SETD2: variants seen among roughly 807,000 people sequenced by gnomAD.
The protein encoded by SETD2 is SET domain containing 2, histone lysine methyltransferase.
SETD2 carries 31 observed loss-of-function variants against 242.1 expected under a neutral mutation model. The observed-to-expected ratio is 0.13, with a 90% CI of 0.10 to 0.17. The LOEUF (loss-of-function observed/expected upper bound fraction) is 0.17. SETD2 is among the 10% of genes least tolerant of loss of function. The pLI, the probability that SETD2 is intolerant of heterozygous loss-of-function variation, is 1.00. For missense variants in SETD2, 2,481 were observed against 3,046.3 expected (o/e 0.81, Z 4.37); for synonymous variants, 1,006 against 1,066.5 (o/e 0.94, Z 1.11).
chr3:47,104,537 C>T (rs1212778975), intron 6 of SETD2, among the ~76,000 whole-genome samples: 1 of 150,350 alleles, frequency 6.7e-6, no homozygotes, highest in Non-Finnish European at 1.5e-5. Flanking sequence ...AAGACCCTGA[C>T]TCAAAAAAAA....
At chr3:47,098,746 A>G (rs1252059752) in intron 8 of SETD2, among the ~76,000 whole-genome samples, 3 of 152,154 alleles carry the variant, frequency 2.0e-5, no homozygotes, top group Non-Finnish European at 4.4e-5. Flanking sequence ...CAGTGAGCCG[A>G]GATTGCACCA....
At chr3:47,149,289 C>T (rs1404554322) in intron 1 of SETD2, among the ~76,000 whole-genome samples, 2 of 152,070 alleles carry the variant, frequency 1.3e-5, no homozygotes, top group African/African-American at 4.8e-5. Flanking sequence ...ACCTGTATGT[C>T]TTTGGACTTC....
intron 14 of SETD2, 97 bp downstream of exon 14, chr3:47,062,066 A>G (rs2040355799): frequency 2.8e-6 from 3 of 1,084,832 alleles, no homozygotes; most frequent in Non-Finnish European, 4.0e-6. Context: ...TAATTCCAAA[A>G]GCCCTTGATG....
chr3:47,050,141 AATTGAATGTTTCTAGC>A (rs986061202), intron 15 of SETD2, among the ~76,000 whole-genome samples: 3 of 151,566 alleles, frequency 2.0e-5, no homozygotes, highest in Non-Finnish European at 2.9e-5. Flanking sequence ...AGAAGAGAAT[AATTGAATGTTTCTAGC>A]ATAAAGAAAA....
rs1320463023 is a variant in SETD2 at position 47,123,587 on chromosome 3, T to C, written c.1049A>G (p.Asp350Gly). 1 of 1,550,516 alleles carries C rather than the reference T, an allele frequency of 6.4e-7. No homozygotes were observed. Among genetic ancestry groups the C allele is most frequent in the Non-Finnish European group, 8.7e-7 (1 of 1,146,860 alleles). Residue 350 changes from aspartate (D) to glycine (G), a missense_variant, in exon 3 of 21, where the codon GAT becomes GGT. Around this residue, in one of 17 missense-constraint regions of SETD2, gnomAD observed 38 missense variants for 61.0 expected, o/e 0.62. Coordinates refer to ENST00000409792, the MANE Select transcript of SETD2 (RefSeq NM_014159.7). ...KFSASIEKER[D>G]FKKSSAPLKS... ...TAAAGGTGCTGAGCTCTTTTTAAAATCTCTTTCCTTTTCAATGCTTGCTGA... is the reference window on the plus strand; with the variant it reads ...TAAAGGTGCTGAGCTCTTTTTAAAACCTCTTTCCTTTTCAATGCTTGCTGA...
intron 9 of SETD2, among the ~76,000 whole-genome samples, chr3:47,094,356 A>AT (rs2041924577): frequency 3.3e-5 from 5 of 152,250 alleles, no homozygotes; most frequent in Admixed American, 3.3e-4. Flanking sequence ...AGATGCAATC[A>AT]TAAGAACAAG....
At chr3:47,070,045 AAC>A (rs1210932601) in intron 12 of SETD2, among the ~76,000 whole-genome samples, 4 of 152,226 alleles carry the variant, frequency 2.6e-5, no homozygotes, top group African/African-American at 7.2e-5. Context: ...CACTAAGAAT[AAC>A]ACAATTTTGA....
At chr3:47,049,337 A>C (rs1196115562) in intron 15 of SETD2, among the ~76,000 whole-genome samples, 2 of 119,340 alleles carry the variant, frequency 1.7e-5, no homozygotes, top group African/African-American at 7.9e-5. Flanking sequence ...ATATATATAT[A>C]TATATATATA....
intron 1 of SETD2, chr3:47,157,511 T>C (rs1280833927): frequency 1.3e-5 from 6 of 455,968 alleles, no homozygotes; most frequent in Non-Finnish European, 2.6e-5. Context: ...AAATTTGCCA[T>C]ACTTTCACAT....
At chr3:47,019,345 TGGG>T (rs1188660236) in intron 19 of SETD2, among the ~76,000 whole-genome samples, 1 of 152,174 alleles carries the variant, frequency 6.6e-6, no homozygotes, top group Non-Finnish European at 1.5e-5. Flanking sequence ...AGGGCTGTTG[TGGG>T]GACAAAATGA....
At chr3:47,108,495 T>C (rs1167343650) in intron 5 of SETD2, among the ~76,000 whole-genome samples, 1 of 152,228 alleles carries the variant, frequency 6.6e-6, no homozygotes, top group African/African-American at 2.4e-5. Flanking sequence ...AAACTCCACC[T>C]AAATAACTAT....
Position 47,081,565 on chromosome 3 carries a change from T to C in SETD2, c.6060+2155A>G, listed in dbSNP as rs146718806. The stretch of plus-strand genomic sequence containing the variant: ...ATGCCGGGATCGTATGGATATACAG[T>C]AATCACATCATGTCAATGTGTTTCT... On this transcript the variant is annotated intron_variant, in intron 12 of 20. Coordinates refer to ENST00000409792, the MANE Select transcript of SETD2 (RefSeq NM_014159.7). Among the ~76,000 whole-genome samples the C allele has an allele frequency of 1.7e-3, 253 of 152,342 alleles. 2 individuals carry two copies. The highest frequency in any genetic ancestry group is 5.4e-3 in the African/African-American group (225 of 41,592).
Position 47,016,464 on chromosome 3 carries a change from A to C in SETD2, c.*629T>G, listed in dbSNP as rs2037987807. ...TTTAATTGATTTTATTTTTTTACAT[A>C]AAAAGTTCAGTAAAAATTGGATAAA... On this transcript the variant is annotated 3_prime_UTR_variant, in exon 21 of 21. Transcript: ENST00000409792. 1 of 232,046 alleles carries C rather than the reference A, an allele frequency of 4.3e-6. No homozygotes were observed. 14.4% of individuals were successfully genotyped at this position (232,046 alleles called of 1,614,324 possible).
At chr3:47,113,642 T>A (rs1483261054) in intron 5 of SETD2, among the ~76,000 whole-genome samples, 2 of 152,080 alleles carry the variant, frequency 1.3e-5, no homozygotes, top group African/African-American at 4.8e-5. Flanking sequence ...GAAACCAGCC[T>A]GGCCAACATG....
At chr3:47,026,246 C>A (rs1027093803) in intron 18 of SETD2, among the ~76,000 whole-genome samples, 1 of 152,090 alleles carries the variant, frequency 6.6e-6, no homozygotes, top group Admixed American at 6.5e-5. Flanking sequence ...AAATAAAAAC[C>A]ACAATGAGAT....
intron 1 of SETD2, among the ~76,000 whole-genome samples, chr3:47,144,200 C>T (rs1309483393): frequency 1.3e-5 from 2 of 152,060 alleles, no homozygotes; most frequent in Non-Finnish European, 2.9e-5. Context: ...CAACACAGGG[C>T]AAAATATCAG....
At chr3:47,102,016 T>A (rs1343553299) in intron 7 of SETD2, among the ~76,000 whole-genome samples, 1 of 152,168 alleles carries the variant, frequency 6.6e-6, no homozygotes, top group African/African-American at 2.4e-5. Flanking sequence ...GAAACACTGA[T>A]CCCAAAAGTT....
intron 1 of SETD2, among the ~76,000 whole-genome samples, chr3:47,155,962 A>G (rs187188109): frequency 1.6e-3 from 243 of 152,324 alleles, no homozygotes; most frequent in Non-Finnish European, 2.9e-3. Context: ...GTGTATTACA[A>G]AATCAAGTAC....
chr3:47,068,909 C>T (rs1458254844), intron 12 of SETD2, among the ~76,000 whole-genome samples: 2 of 152,126 alleles, frequency 1.3e-5, no homozygotes, highest in Non-Finnish European at 2.9e-5. Context: ...AGCGATTCTC[C>T]TTAGCCTCCC....
Sources: allele counts gnomAD v4.1 joint callset (sites outside exome capture counted in the v4.1 genomes callset), GRCh38; gene constraint gnomAD v4.1.1; regional missense constraint gnomAD v4.1.1; transcripts MANE v1.5; gene names NCBI Gene and HGNC (gene_info 2026-07-23, HGNC 2026-07-21).